Variants in GYG1 observed in about 807,000 individuals in gnomAD.
GYG1 encodes glycogenin 1, also known as glycogenin-1.
A neutral mutation model predicts 41.9 loss-of-function variants in GYG1; 44 were observed. The observed-to-expected ratio is 1.05, with a 90% CI of 0.83 to 1.35. The LOEUF (loss-of-function observed/expected upper bound fraction) is 1.35. Among genes scored for constraint, GYG1 ranks in the 40% most tolerant of loss-of-function variants. The probability of loss-of-function intolerance (pLI) is 0.00; values close to 1 mark genes in which losing one functional copy is unlikely to be tolerated. For missense variants in GYG1, 429 were observed against 418.9 expected, an observed-to-expected ratio of 1.02 and a Z score of -0.21; for synonymous variants, 141 against 158.1, an observed-to-expected ratio of 0.89 and a Z score of 0.81.
rs1252774310 is a variant in GYG1, at chr3:149,026,940, T to G, written c.*7T>G. On this transcript the variant is annotated 3_prime_UTR_variant, in exon 8 of 8. Transcript: ENST00000345003. ...TGACACTTACCTCCAGTAGAAACAC[T>G]GCATTTTTCTGTGAACACATCCACT... 2 of 1,613,432 alleles carry G rather than the reference T, an allele frequency of 1.2e-6. No individual in the cohort carries two copies. Among genetic ancestry groups the G allele is most frequent in the East Asian group, 4.5e-5 (2 of 44,896 alleles).
At chr3:149,015,492 T>TA (rs1182735546) in intron 5 of GYG1, among the ~76,000 whole-genome samples, 1 of 152,062 alleles carries the variant, frequency 6.6e-6, no homozygotes, top group African/African-American at 2.4e-5. Context: ...GGAAGTGTGG[T>TA]ATTGCAGAAG....
rs1576557396 is a variant in GYG1 at position 149,027,036 on chromosome 3, T to G, written c.*103T>G. On this transcript the variant is annotated 3_prime_UTR_variant, in exon 8 of 8. Coordinates refer to ENST00000345003, the MANE Select transcript of GYG1 (RefSeq NM_004130.4). The stretch of plus-strand genomic sequence containing the variant: ...AAAAGTCTGTTACAGTTGCTAGAGG[T>G]TTTCATTAAAACTTATCAGATGAGA... 7.8e-7 allele frequency: 1 copy of G among 1,277,190 alleles called. No homozygotes were observed. Among genetic ancestry groups the G allele is most frequent in the Admixed American group, 1.8e-5 (1 of 56,842 alleles). 79.1% of individuals were successfully genotyped at this position (1,277,190 alleles called of 1,614,324 possible). A position where few individuals can be genotyped will look rare whatever the true frequency, so the allele number is the denominator to read the frequency against.
chr3:149,009,394 A>G lies in GYG1; in HGVS notation c.600A>G (p.Ala200=), dbSNP rs1559839221. The G allele has an allele frequency of 6.2e-7, 1 of 1,613,820 alleles. No individual in the cohort carries two copies. Among genetic ancestry groups the G allele is most frequent in the East Asian group, 2.2e-5 (1 of 44,882 alleles). The part of the protein sequence containing the change: ...SSISIYSYLP[A]FKVFGASAKV... ...TCTCTATATACTCCTACCTCCCGGC[A>G]TTTAAAGTGTAAGTGCAGATGGTTT... is the stretch of plus-strand genomic sequence containing the variant. The change falls in exon 5 of 8, where the codon GCA becomes GCG. Residue 200 remains alanine, a synonymous_variant. Coordinates refer to ENST00000345003, the MANE Select transcript of GYG1 (RefSeq NM_004130.4).
In GYG1 at chr3:149,004,863, G is replaced by T. The variant is rs1713303510; in HGVS notation, c.482-4413G>T. On this transcript the variant is annotated intron_variant, in intron 4 of 7. Coordinates refer to ENST00000345003, the MANE Select transcript of GYG1 (RefSeq NM_004130.4). ...CCTTCCTGTGGCACACAGCTGATGG[G>T]CTGATGATGTTTGTAGGGTACCTGA... Among the ~76,000 whole-genome samples the T allele has an allele frequency of 2.0e-5, 3 of 152,318 alleles. No individual in the cohort carries two copies. In the South Asian group the frequency reaches 6.2e-4, roughly 32 times the overall value.
rs1159107802 is a variant in GYG1, at chr3:149,029,118, T to C, written c.*2185T>C. Reference sequence around the variant, plus strand: ...GACATAGCATATAATGCTGTCAAGTTATTTGGCTAGAAAATCACTGAACTA... The same window carrying C: ...GACATAGCATATAATGCTGTCAAGTCATTTGGCTAGAAAATCACTGAACTA... On this transcript the variant is annotated 3_prime_UTR_variant, in exon 8 of 8. Transcript: ENST00000345003. Among the ~76,000 whole-genome samples the C allele has an allele frequency of 6.6e-6, 1 of 152,236 alleles. No homozygotes were observed. The highest frequency in any genetic ancestry group is 1.5e-5 in the Non-Finnish European group (1 of 68,038).
chr3:149,007,254 C>T (rs1713455380), intron 4 of GYG1, among the ~76,000 whole-genome samples: 1 of 152,212 alleles, frequency 6.6e-6, no homozygotes, highest in Admixed American at 6.5e-5. Flanking sequence ...CCAAAGACCC[C>T]ACTCCAGATA....
intron 5 of GYG1, among the ~76,000 whole-genome samples, chr3:149,013,390 C>A (rs756136752): frequency 6.6e-6 from 1 of 152,126 alleles, no homozygotes; most frequent in Non-Finnish European, 1.5e-5. Context: ...ACTGACTAAA[C>A]GCTCTCTAGG....
intron 5 of GYG1, among the ~76,000 whole-genome samples, chr3:149,020,527 T>C (rs1714311730): frequency 6.6e-6 from 1 of 152,198 alleles, no homozygotes; most frequent in African/African-American, 2.4e-5. Context: ...TTCCTCACAT[T>C]GTCATTTTGG....
At chr3:149,020,495 T>C (rs932254119) in intron 5 of GYG1, among the ~76,000 whole-genome samples, 2 of 152,226 alleles carry the variant, frequency 1.3e-5, no homozygotes, top group Non-Finnish European at 2.9e-5. Flanking sequence ...GGAGAAGTTA[T>C]TTAACTTCTT....
In GYG1 at chr3:149,024,152, T is replaced by C. The variant is rs1370887518; in HGVS notation, c.708T>C (p.His236=). The change falls in exon 6 of 8, where the codon CAT becomes CAC. Residue 236 remains histidine, a synonymous_variant. Coordinates refer to ENST00000345003, the MANE Select transcript of GYG1 (RefSeq NM_004130.4). ...CAAAAAGTGTCAAAAGTGAGGCCCA[T>C]GATCCCAACATGACTCATCCAGAGT... ...PKTKSVKSEA[H]DPNMTHPEFL... is the part of the protein sequence containing the mutation. The C allele has an allele frequency of 2.3e-5, 37 of 1,613,608 alleles. No individual in the cohort carries two copies. The highest frequency in any genetic ancestry group is 3.0e-5 in the Non-Finnish European group (35 of 1,179,608).
At chr3:148,999,623 C>A (rs923730199) in intron 4 of GYG1, among the ~76,000 whole-genome samples, 2 of 152,114 alleles carry the variant, frequency 1.3e-5, no homozygotes, top group East Asian at 3.8e-4. Flanking sequence ...TAAAATATTT[C>A]TTTATGGACA....
In GYG1 at chr3:149,031,224, T is replaced by G. The variant is rs1715008270; in HGVS notation, c.*4291T>G. The G allele has an allele frequency of 2.0e-5, 3 of 152,622 alleles. No homozygotes were observed. The South Asian group carries it at 6.2e-4, about 32-fold the overall frequency. The allele number at this position is 152,622 out of a possible 1,614,324, so 9.5% of individuals were successfully genotyped here. ...TAGCTGTAAGGATGAATTACTCAAG[T>G]TCAAAATCAAATTCTGATTCTAAAC... On this transcript the variant is annotated 3_prime_UTR_variant, in exon 8 of 8. Transcript: ENST00000345003.
In GYG1 at chr3:149,030,795, A is replaced by G. The variant is rs1198794890; in HGVS notation, c.*3862A>G. The stretch of plus-strand genomic sequence containing the variant: ...CTCAAAAAGGGACCAGGAAGATTCT[A>G]GCTGGCTAATTCACTGTTCCCTTTG... On this transcript the variant is annotated 3_prime_UTR_variant, in exon 8 of 8. Transcript: ENST00000345003. 1 of 152,200 alleles carries G rather than the reference A, an allele frequency of 6.6e-6. No individual in the cohort carries two copies. The highest frequency in any genetic ancestry group is 2.4e-5 in the African/African-American group (1 of 41,436). 9.4% of individuals were successfully genotyped at this position (152,200 alleles called of 1,614,324 possible).
At chr3:149,009,939 A>C (rs1713624558) in intron 5 of GYG1, among the ~76,000 whole-genome samples, 1 of 152,310 alleles carries the variant, frequency 6.6e-6, no homozygotes, top group Non-Finnish European at 1.5e-5. Context: ...CTACTTACTG[A>C]ACTTCTTTCT....
intron 6 of GYG1, among the ~76,000 whole-genome samples, chr3:149,025,847 A>G (rs563191985): frequency 6.6e-5 from 10 of 152,186 alleles, no homozygotes; most frequent in Non-Finnish European, 1.5e-4. Context: ...ATGCTAAACT[A>G]TTTTAAGTTA....
Position 149,029,359 on chromosome 3 carries a change from T to C in GYG1, c.*2426T>C, listed in dbSNP as rs2107928103. On this transcript the variant is annotated 3_prime_UTR_variant, in exon 8 of 8. Transcript: ENST00000345003. Reference sequence around the variant, plus strand: ...ACTTATCCCCTTGCAGTGGCTGGTATGACCTTTGGTTGTAAGACAAACTTG... The same window carrying C: ...ACTTATCCCCTTGCAGTGGCTGGTACGACCTTTGGTTGTAAGACAAACTTG... Among the ~76,000 whole-genome samples the C allele has an allele frequency of 6.6e-6, 1 of 152,346 alleles. No individual in the cohort carries two copies. The highest frequency in any genetic ancestry group is 1.9e-4 in the East Asian group (1 of 5,186).
In GYG1 at chr3:149,027,989, A is replaced by ATGAT. The variant is rs1433170852; in HGVS notation, c.*1057_*1060dup. Reference sequence around the variant, plus strand: ...ACTAGTATTTTATCTATGATTTAAAATGATAGAATGGAAAAGCGTATTTAT... The same window carrying ATGAT: ...ACTAGTATTTTATCTATGATTTAAAATGATTGATAGAATGGAAAAGCGTATTTAT... On this transcript the variant is annotated 3_prime_UTR_variant, in exon 8 of 8. Coordinates refer to ENST00000345003, the MANE Select transcript of GYG1 (RefSeq NM_004130.4). Among the ~76,000 whole-genome samples the ATGAT allele has an allele frequency of 1.3e-5, 2 of 152,246 alleles. No homozygotes were observed.
intron 4 of GYG1, among the ~76,000 whole-genome samples, chr3:149,007,031 A>T (rs1559838254): frequency 6.6e-6 from 1 of 152,254 alleles, no homozygotes; most frequent in African/African-American, 2.4e-5. Flanking sequence ...TATTTCTCAC[A>T]GTTCTAGAGG....
intron 6 of GYG1, among the ~76,000 whole-genome samples, chr3:149,024,532 TC>T (rs1714545349): frequency 1.3e-5 from 2 of 152,228 alleles, no homozygotes; most frequent in African/African-American, 4.8e-5. Context: ...ACTTTAGAAT[TC>T]TTAGCCCATT....
Sources: allele counts gnomAD v4.1 joint callset (sites outside exome capture counted in the v4.1 genomes callset), GRCh38; gene constraint gnomAD v4.1.1; transcripts MANE v1.5; gene names NCBI Gene and HGNC (gene_info 2026-07-23, HGNC 2026-07-21).